FAM184A: variants seen among roughly 807,000 people sequenced by gnomAD.
FAM184A encodes family with sequence similarity 184 member A.
A neutral mutation model predicts 143.8 loss-of-function variants in FAM184A; 99 were observed. That is an observed-to-expected ratio of 0.69 (90% CI 0.58 to 0.81). The LOEUF is 0.81. Ranked by LOEUF, FAM184A falls within the 40% of genes least tolerant of loss-of-function variation. The pLI is 0.00. For missense variants in FAM184A, 1,217 were observed against 1,310.5 expected, an observed-to-expected ratio of 0.93 and a Z score of 1.10; for synonymous variants, 427 against 446.4, an observed-to-expected ratio of 0.96 and a Z score of 0.55.
At chr6:119,038,115 T>G (rs969650287) in intron 1 of FAM184A, among the ~76,000 whole-genome samples, 5 of 152,120 alleles carry the variant, frequency 3.3e-5, no homozygotes, top group African/African-American at 1.2e-4. Flanking sequence ...AACAGGAGGT[T>G]GTTTTCTAGT....
chr6:119,012,285 T>A (rs1785113402), intron 5 of FAM184A, among the ~76,000 whole-genome samples: 1 of 152,216 alleles, frequency 6.6e-6, no homozygotes, highest in Non-Finnish European at 1.5e-5. Context: ...TAGGGTTCTG[T>A]GTCAGAGGAC....
chr6:118,970,844 C>T (rs1484696188), intron 14 of FAM184A, among the ~76,000 whole-genome samples: 2 of 152,166 alleles, frequency 1.3e-5, no homozygotes, highest in Non-Finnish European at 2.9e-5. Flanking sequence ...TGACAATATA[C>T]AGGTCAATGT....
Position 119,024,087 on chromosome 6 carries a change from C to CT in FAM184A, c.885dup (p.Ala296SerfsTer20). On this transcript the variant is annotated frameshift_variant, in exon 2 of 18. Transcript: ENST00000338891. LOFTEE classifies it high-confidence loss of function. ...TTTCCTATAGTTTTTCGTAAAATTG[C>CT]TTCTTGTCCCTGAAATTCTTTTCTA... The CT allele has an allele frequency of 6.2e-7, 1 of 1,614,164 alleles. No individual in the cohort carries two copies. The highest frequency in any genetic ancestry group is 1.6e-4 in the Middle Eastern group (1 of 6,062).
chr6:119,058,244 C>T (rs1382659030), intron 1 of FAM184A, among the ~76,000 whole-genome samples: 8 of 133,030 alleles, frequency 6.0e-5, no homozygotes, highest in East Asian at 2.3e-4. Flanking sequence ...AGAGCAGTGG[C>T]GTGATCTTGG....
At chr6:119,054,973 C>A (rs1786903559) in intron 1 of FAM184A, among the ~76,000 whole-genome samples, 1 of 151,970 alleles carries the variant, frequency 6.6e-6, no homozygotes. Flanking sequence ...AGTTGTACAA[C>A]CATCACCACT....
chr6:119,000,630 TC>T (rs1388739174), intron 9 of FAM184A, among the ~76,000 whole-genome samples: 1 of 152,208 alleles, frequency 6.6e-6, no homozygotes, highest in Non-Finnish European at 1.5e-5. Context: ...GTTATTTCAC[TC>T]CTTTCCTCTA....
chr6:119,027,058 C>G (rs1273138137), intron 1 of FAM184A, among the ~76,000 whole-genome samples: 1 of 152,184 alleles, frequency 6.6e-6, no homozygotes, highest in African/African-American at 2.4e-5. Flanking sequence ...TAACTAAACT[C>G]AAGCATTTCT....
At chr6:119,026,219 G>GA (rs955592365) in intron 1 of FAM184A, among the ~76,000 whole-genome samples, 6 of 151,956 alleles carry the variant, frequency 3.9e-5, no homozygotes, top group African/African-American at 1.2e-4. Flanking sequence ...AAGTCTACAG[G>GA]AAAAAATGTG....
At chr6:118,999,182 G>A (rs1042893648) in intron 9 of FAM184A, among the ~76,000 whole-genome samples, 1 of 152,200 alleles carries the variant, frequency 6.6e-6, no homozygotes, top group African/African-American at 2.4e-5. Context: ...AGAAAGAGCA[G>A]TTTGGCTGAG....
rs1785559050 is a variant in FAM184A, at chr6:119,024,401, T to G, written c.572A>C (p.Gln191Pro). 8 of 1,614,216 alleles carry G rather than the reference T, an allele frequency of 5.0e-6. No individual in the cohort carries two copies. Among genetic ancestry groups the G allele is most frequent in the Non-Finnish European group, 6.8e-6 (8 of 1,180,038 alleles). The change falls in exon 2 of 18, where the codon CAA becomes CCA. Residue 191 changes from glutamine to proline, a missense_variant. Gln to Pro is a moderately conservative substitution (Grantham distance 76, BLOSUM62 -1). Coordinates refer to ENST00000338891, the MANE Select transcript of FAM184A (RefSeq NM_024581.6). ...TTGTATCTCCCGTCTGTGAGCAGCT[T>G]GCAAGTCTTCCAATGCCAATCGTTT... ...KDKRLALEDLQAAHRREIQEL... is the reference protein window; with the variant it reads ...KDKRLALEDLPAAHRREIQEL...
intron 1 of FAM184A, among the ~76,000 whole-genome samples, chr6:119,132,302 G>A (rs997610410): frequency 6.6e-6 from 1 of 152,180 alleles, no homozygotes; most frequent in African/African-American, 2.4e-5. Context: ...TTTCTGCTAA[G>A]AGTTTATCTT....
intron 11 of FAM184A, among the ~76,000 whole-genome samples, chr6:118,978,256 C>T (rs542974731): frequency 1.0e-3 from 153 of 152,292 alleles, no homozygotes; most frequent in Non-Finnish European, 2.0e-3. Context: ...AGCCACCACA[C>T]CCGGCCAACA....
At chr6:119,015,827 T>A (rs2114670495) in intron 5 of FAM184A, among the ~76,000 whole-genome samples, 1 of 152,336 alleles carries the variant, frequency 6.6e-6, no homozygotes, top group East Asian at 1.9e-4. Flanking sequence ...TATGTCTAGC[T>A]CAGGGATTGT....
At chr6:118,985,603 T>C (rs77241914) in intron 9 of FAM184A, among the ~76,000 whole-genome samples, 2,843 of 152,262 alleles carry the variant, frequency 0.019, 98 homozygotes, top group African/African-American at 0.066. Flanking sequence ...GTCCCTCACT[T>C]CTACAACAGC....
At chr6:119,041,853 G>A (rs997528009) in intron 1 of FAM184A, among the ~76,000 whole-genome samples, 1 of 152,156 alleles carries the variant, frequency 6.6e-6, no homozygotes, top group African/African-American at 2.4e-5. Flanking sequence ...TAGTTGCTGG[G>A]TTCCACGGTT....
intron 3 of FAM184A, among the ~76,000 whole-genome samples, chr6:119,020,949 G>A (rs1290422917): frequency 6.6e-6 from 1 of 152,200 alleles, no homozygotes; most frequent in East Asian, 1.9e-4. Context: ...AAAAAGCAGG[G>A]AAGGTGGAGA....
At chr6:119,137,235 A>G (rs1386347589) in intron 1 of FAM184A, among the ~76,000 whole-genome samples, 1 of 151,658 alleles carries the variant, frequency 6.6e-6, no homozygotes, top group East Asian at 1.9e-4. Context: ...CTGCCTTCTA[A>G]CTGTGACCTC....
At chr6:119,145,123 T>C (rs1434298778) in intron 1 of FAM184A, among the ~76,000 whole-genome samples, 2 of 152,164 alleles carry the variant, frequency 1.3e-5, no homozygotes, top group Admixed American at 6.5e-5. Context: ...TGGCCAGAGA[T>C]TGGCAGGCAG....
chr6:119,089,186 C>CCTTA (rs145164889), intron 1 of FAM184A, among the ~76,000 whole-genome samples: 1 of 142,394 alleles, frequency 7.0e-6, no homozygotes, highest in African/African-American at 2.7e-5. Flanking sequence ...ATCTCTCTCT[C>CCTTA]TTTATTTATT....
Sources: gnomAD v4.1 joint callset for allele counts (sites outside exome capture counted in the v4.1 genomes callset) on GRCh38, gnomAD v4.1.1 for gene constraint, MANE v1.5 for transcripts, NCBI Gene and HGNC (gene_info 2026-07-23, HGNC 2026-07-21) for gene names.